GRAMD2B: variants seen among roughly 807,000 people sequenced by gnomAD.
GRAMD2B encodes GRAM domain containing 2B, also known as GRAM domain-containing protein 2B.
A neutral mutation model predicts 59.2 loss-of-function variants in GRAMD2B; 41 were observed. That is an observed-to-expected ratio of 0.69 (90% CI 0.54 to 0.90). GRAMD2B has a LOEUF of 0.90. Among genes scored for constraint, GRAMD2B ranks in the 40% least tolerant of loss-of-function variants. The pLI, the probability that GRAMD2B is intolerant of heterozygous loss-of-function variation, is 0.00. For missense variants in GRAMD2B, 424 were observed against 500.5 expected, an observed-to-expected ratio of 0.85 and a Z score of 1.46; for synonymous variants, 161 against 182.7, an observed-to-expected ratio of 0.88 and a Z score of 0.96.
chr5:126,372,325 G>A (rs1190185777), intron 1 of GRAMD2B, among the ~76,000 whole-genome samples: 1 of 152,132 alleles, frequency 6.6e-6, no homozygotes, highest in African/African-American at 2.4e-5. Flanking sequence ...TAGCATTCAT[G>A]TAAACTTCTC....
At chr5:126,404,480 G>C (rs1758099423) in intron 1 of GRAMD2B, among the ~76,000 whole-genome samples, 1 of 151,856 alleles carries the variant, frequency 6.6e-6, no homozygotes. Flanking sequence ...CAATTCCTAA[G>C]TGAAATCATG....
intron 1 of GRAMD2B, among the ~76,000 whole-genome samples, chr5:126,411,794 A>G (rs1457589718): frequency 6.6e-6 from 1 of 151,306 alleles, no homozygotes; most frequent in African/African-American, 2.4e-5. Context: ...AGTGTTTTAT[A>G]GTTCTCCTTG....
intron 1 of GRAMD2B, among the ~76,000 whole-genome samples, chr5:126,398,034 T>C (rs1374590210): frequency 2.0e-5 from 3 of 147,390 alleles, no homozygotes; most frequent in African/African-American, 7.5e-5. Flanking sequence ...TTTTTTTTTT[T>C]TTTTTTTGAG....
At chr5:126,392,198 G>A (rs1756869792) in intron 1 of GRAMD2B, among the ~76,000 whole-genome samples, 1 of 152,160 alleles carries the variant, frequency 6.6e-6, no homozygotes. Context: ...AAGAAAAGGG[G>A]TTGTGTTCCC....
At position 126,456,355 on chromosome 5, in the gene GRAMD2B, T is replaced by A. The variant is rs6879608; in HGVS notation, c.84-9071T>A. ...CATCCTGAGCAGCTGGAACCACAGG[T>A]GCACACCACCATACCCGGCTAAATT... On this transcript the variant is annotated intron_variant, in intron 1 of 13. Transcript: ENST00000285689. Among the ~76,000 whole-genome samples the A allele has an allele frequency of 4.0e-5, 6 of 151,654 alleles. No homozygotes were observed. In the East Asian group the frequency reaches 7.8e-4, roughly 20 times the overall value.
chr5:126,485,602 T>G lies in GRAMD2B; in HGVS notation c.971-84T>G, dbSNP rs112941478. The G allele has an allele frequency of 4.2e-3, 3,060 of 735,930 alleles. 88 individuals are homozygous for G. The African/African-American group carries it at 0.05, about 12-fold the overall frequency. The allele number at this position is 735,930 out of a possible 1,614,324, so 45.6% of individuals were successfully genotyped here. ...TCTTTTACCTGGGAACAATTACCTCTCTCAAGTACCCCATAGGGATATTGC... is the reference window on the plus strand; with the variant it reads ...TCTTTTACCTGGGAACAATTACCTCGCTCAAGTACCCCATAGGGATATTGC... On this transcript the variant is annotated intron_variant, in intron 10 of 13. Transcript: ENST00000285689.
intron 12 of GRAMD2B, 130 bp downstream of exon 12, chr5:126,487,107 A>G (rs781682690): frequency 1.1e-5 from 7 of 610,524 alleles, no homozygotes; most frequent in Admixed American, 5.2e-5. Flanking sequence ...TGTTAAGTGT[A>G]TATGTGGAAA....
chr5:126,417,320 C>A (rs1561493599), intron 1 of GRAMD2B, among the ~76,000 whole-genome samples: 2 of 152,054 alleles, frequency 1.3e-5, no homozygotes, highest in Non-Finnish European at 2.9e-5. Flanking sequence ...CTGGAGGATG[C>A]CAGAGAACAA....
chr5:126,465,289 C>G, intron 1 of GRAMD2B, 137 bp from the exon 2 acceptor site: 1 of 1,508,602 alleles, frequency 6.6e-7, no homozygotes, highest in Non-Finnish European at 8.8e-7. Flanking sequence ...GAAAGGGCCT[C>G]GCTGTCAAAG....
rs574081219 is a variant in GRAMD2B at position 126,465,489 on chromosome 5, C to T, written c.147C>T (p.Ser49=). The change falls in exon 2 of 14, where the codon TCC becomes TCT. Residue 49 remains serine (S), a synonymous_variant. Coordinates refer to ENST00000285689, the MANE Select transcript of GRAMD2B (RefSeq NM_023927.4). The part of the protein sequence containing the change: ...KKACRSPTAQ[S]PTPSVEADSP... ...CCTGCAGGTCGCCAACAGCCCAATC[C>T]CCTACCCCATCTGTGGAGGCGGACT... is the stretch of plus-strand genomic sequence containing the variant. 22 of 1,613,996 alleles carry T rather than the reference C, an allele frequency of 1.4e-5. 1 individual carries two copies. The South Asian group carries it at 2.0e-4, about 14-fold the overall frequency.
chr5:126,423,751 G>T, intron 1 of GRAMD2B, 62 bp downstream of exon 1: 2 of 1,498,266 alleles, frequency 1.3e-6, no homozygotes, highest in Middle Eastern at 1.7e-4. Flanking sequence ...AAACTTCTCT[G>T]CCCCGGGACG....
chr5:126,382,373 C>A (rs978756213), intron 1 of GRAMD2B, among the ~76,000 whole-genome samples: 5 of 152,082 alleles, frequency 3.3e-5, no homozygotes, highest in African/African-American at 9.7e-5. Flanking sequence ...TTCCTGGAGG[C>A]TTTTTTCACT....
At chr5:126,470,192 G>A (rs1164690235) in intron 3 of GRAMD2B, among the ~76,000 whole-genome samples, 3 of 152,184 alleles carry the variant, frequency 2.0e-5, no homozygotes, top group East Asian at 3.9e-4. Context: ...AGAGGAGTTA[G>A]ACCTTTGAAC....
At chr5:126,476,913 A>G (rs1770735769) in intron 5 of GRAMD2B, among the ~76,000 whole-genome samples, 1 of 152,228 alleles carries the variant, frequency 6.6e-6, no homozygotes, top group Admixed American at 6.5e-5. Flanking sequence ...GAAGCAGACG[A>G]GGCTATCTCC....
At chr5:126,459,728 T>C (rs1003542472) in intron 1 of GRAMD2B, among the ~76,000 whole-genome samples, 2 of 152,268 alleles carry the variant, frequency 1.3e-5, no homozygotes, top group African/African-American at 2.4e-5. Context: ...ACGATTAAAA[T>C]GATGATTGTT....
chr5:126,427,896 A>G (rs753162677), intron 1 of GRAMD2B, among the ~76,000 whole-genome samples: 7 of 152,212 alleles, frequency 4.6e-5, no homozygotes, highest in Non-Finnish European at 1.0e-4. Flanking sequence ...TTATCTCTCT[A>G]TCTATGTATG....
intron 6 of GRAMD2B, among the ~76,000 whole-genome samples, chr5:126,479,257 C>G (rs746870085): frequency 4.6e-5 from 7 of 151,604 alleles, no homozygotes; most frequent in Non-Finnish European, 8.8e-5. Context: ...AAGAGCTGGT[C>G]TCAAATTCCT....
intron 1 of GRAMD2B, among the ~76,000 whole-genome samples, chr5:126,447,453 A>T (rs562497956): frequency 6.6e-6 from 1 of 152,148 alleles, no homozygotes; most frequent in Non-Finnish European, 1.5e-5. Context: ...ATGAGGTCAG[A>T]AGATTGAGAC....
intron 1 of GRAMD2B, among the ~76,000 whole-genome samples, chr5:126,457,643 A>G (rs952102561): frequency 1.3e-5 from 2 of 151,984 alleles, no homozygotes; most frequent in Non-Finnish European, 2.9e-5. Context: ...GGGGAAAAAA[A>G]TTGTATATAT....
Sources: allele counts gnomAD v4.1 joint callset (sites outside exome capture counted in the v4.1 genomes callset), GRCh38; gene constraint gnomAD v4.1.1; transcripts MANE v1.5; gene names NCBI Gene and HGNC (gene_info 2026-07-23, HGNC 2026-07-21).